The following CADM2 variants were observed in gnomAD, a reference collection of about 807,000 sequenced individuals.
The protein encoded by CADM2 is immunoglobulin superfamily member 4D.
Under a neutral mutation model 49.8 loss-of-function variants are expected in CADM2, and 12 were observed. That is an observed-to-expected ratio of 0.24 (90% confidence interval 0.15 to 0.39). The LOEUF (loss-of-function observed/expected upper bound fraction) is 0.39. CADM2 is among the 10% of genes least tolerant of loss of function. The pLI is 1.00. For synonymous variants in CADM2, 214 were observed against 175.4 expected, an observed-to-expected ratio of 1.22 and a Z score of -1.74; for missense variants, 378 against 492.3, an observed-to-expected ratio of 0.77 and a Z score of 2.20.
intron 1 of CADM2, among the ~76,000 whole-genome samples, chr3:85,384,926 T>C (rs1033378356): frequency 3.3e-5 from 5 of 152,126 alleles, no homozygotes; most frequent in Admixed American, 3.3e-4. Context: ...TTGTTTACTT[T>C]ATTATTTATT....
chr3:85,755,803 A>T (rs1462535474), intron 2 of CADM2, among the ~76,000 whole-genome samples: 2 of 152,146 alleles, frequency 1.3e-5, no homozygotes, highest in African/African-American at 4.8e-5. Flanking sequence ...ATCACCCCTC[A>T]CCAGGTCCCT....
At chr3:85,809,387 T>C (rs1404563850) in intron 3 of CADM2, among the ~76,000 whole-genome samples, 2 of 151,930 alleles carry the variant, frequency 1.3e-5, no homozygotes, top group Non-Finnish European at 2.9e-5. Flanking sequence ...GGTCAGGAGT[T>C]TGAGACAAGC....
chr3:85,522,670 G>A (rs1269862713), intron 1 of CADM2, among the ~76,000 whole-genome samples: 4 of 152,036 alleles, frequency 2.6e-5, no homozygotes, highest in Admixed American at 6.6e-5. Context: ...GTTCCACCAA[G>A]AAATCAAGAA....
chr3:85,250,817 A>C (rs1054672688), intron 1 of CADM2, among the ~76,000 whole-genome samples: 2 of 151,766 alleles, frequency 1.3e-5, no homozygotes, highest in African/African-American at 4.8e-5. Flanking sequence ...GAATATTTCT[A>C]CATTTAATCA....
Position 86,051,764 on chromosome 3 carries a change from C to T in CADM2, c.971-13841C>T, listed in dbSNP as rs1412174964. Among the ~76,000 whole-genome samples, 3 of 152,044 alleles carry T rather than the reference C, an allele frequency of 2.0e-5. No homozygotes were observed. The East Asian group carries it at 5.8e-4, about 29-fold the overall frequency. The stretch of plus-strand genomic sequence containing the variant: ...GAAGAGAGAGCCGAGGGAGGTGCTA[C>T]ACACTTTGAAACAATCAGATCTCAG... On this transcript the variant is annotated intron_variant, in intron 8 of 9. Coordinates refer to ENST00000383699, the MANE Select transcript of CADM2 (RefSeq NM_001167675.2).
chr3:85,141,980 T>A (rs1347440133), intron 1 of CADM2, among the ~76,000 whole-genome samples: 1 of 152,172 alleles, frequency 6.6e-6, no homozygotes, highest in Admixed American at 6.5e-5. Flanking sequence ...TCCAAGCTAA[T>A]GACACTTCAC....
intron 7 of CADM2, among the ~76,000 whole-genome samples, chr3:85,944,447 A>T (rs1320578794): frequency 1.3e-5 from 2 of 152,112 alleles, no homozygotes; most frequent in Non-Finnish European, 2.9e-5. Context: ...AGAACTCTCC[A>T]CTCCAAATCA....
chr3:85,157,631 A>G (rs1251299566), intron 1 of CADM2, among the ~76,000 whole-genome samples: 3 of 152,156 alleles, frequency 2.0e-5, no homozygotes, highest in African/African-American at 7.2e-5. Context: ...AAAACTGGCT[A>G]GCCATATGTA....
At chr3:85,574,552 G>A (rs751816382) in intron 1 of CADM2, among the ~76,000 whole-genome samples, 1 of 152,118 alleles carries the variant, frequency 6.6e-6, no homozygotes, top group Non-Finnish European at 1.5e-5. Flanking sequence ...ATCATGTAAG[G>A]TCCCTCAATC....
chr3:85,236,330 A>G (rs1474296876), intron 1 of CADM2, among the ~76,000 whole-genome samples: 1 of 151,936 alleles, frequency 6.6e-6, no homozygotes, highest in African/African-American at 2.4e-5. Flanking sequence ...CATCTCTTGG[A>G]TTGTAATTGG....
chr3:85,831,874 T>C (rs1292117522), intron 3 of CADM2, among the ~76,000 whole-genome samples: 1 of 151,456 alleles, frequency 6.6e-6, no homozygotes, highest in Non-Finnish European at 1.5e-5. Context: ...CAATTGGTTT[T>C]GGGAAGTTAT....
At chr3:85,330,811 A>AG (rs1559783274) in intron 1 of CADM2, among the ~76,000 whole-genome samples, 1 of 150,264 alleles carries the variant, frequency 6.7e-6, no homozygotes, top group Admixed American at 6.6e-5. Flanking sequence ...AAAAAAAAAA[A>AG]TAGCTCGGCA....
chr3:85,164,416 T>C (rs1197378095), intron 1 of CADM2, among the ~76,000 whole-genome samples: 1 of 152,074 alleles, frequency 6.6e-6, no homozygotes, highest in Non-Finnish European at 1.5e-5. Flanking sequence ...TGGTTAAATC[T>C]TTGCTCCTAT....
intron 1 of CADM2, among the ~76,000 whole-genome samples, chr3:85,202,114 G>A (rs149168261): frequency 4.1e-4 from 59 of 143,416 alleles, no homozygotes; most frequent in African/African-American, 1.5e-3. Context: ...CTTCTCATCT[G>A]TTCAAGTTTT....
At chr3:85,178,536 G>T (rs2040843114) in intron 1 of CADM2, among the ~76,000 whole-genome samples, 3 of 151,872 alleles carry the variant, frequency 2.0e-5, no homozygotes. Flanking sequence ...TGACAATGGA[G>T]GCCCATGTAT....
intron 1 of CADM2, among the ~76,000 whole-genome samples, chr3:85,410,751 C>T (rs1407395548): frequency 6.6e-6 from 1 of 152,158 alleles, no homozygotes; most frequent in Non-Finnish European, 1.5e-5. Context: ...TGAAGTGCAT[C>T]ACCACTGAAA....
chr3:85,223,185 G>A (rs562276378), intron 1 of CADM2, among the ~76,000 whole-genome samples: 2 of 152,154 alleles, frequency 1.3e-5, no homozygotes, highest in South Asian at 4.2e-4. Flanking sequence ...GTAGAAATTG[G>A]CCACAAAATC....
chr3:85,369,368 C>T (rs1004185236), intron 1 of CADM2, among the ~76,000 whole-genome samples: 3 of 152,214 alleles, frequency 2.0e-5, no homozygotes, highest in Non-Finnish European at 2.9e-5. Flanking sequence ...TGCAGTGGCT[C>T]ACGCCTGTAA....
chr3:85,597,638 TAAAG>T (rs780746139), intron 1 of CADM2, among the ~76,000 whole-genome samples: 3 of 152,090 alleles, frequency 2.0e-5, no homozygotes, highest in Non-Finnish European at 4.4e-5. Flanking sequence ...TAGACAATAC[TAAAG>T]GTAATCAAGC....
Sources: allele counts gnomAD v4.1 joint callset (sites outside exome capture counted in the v4.1 genomes callset), GRCh38; gene constraint gnomAD v4.1.1; transcripts MANE v1.5; gene names NCBI Gene and HGNC (gene_info 2026-07-23, HGNC 2026-07-21).